The following HSPBAP1 variants were observed in gnomAD, a reference collection of about 807,000 sequenced individuals.
HSPBAP1 encodes the protein HSPB1-associated protein 1.
Under a neutral mutation model 45.2 loss-of-function variants are expected in HSPBAP1, and 27 were observed. That is an observed-to-expected ratio of 0.60 (90% CI 0.44 to 0.82). The LOEUF (loss-of-function observed/expected upper bound fraction) is 0.82, where lower values mean the gene tolerates loss of function less well. Ranked by LOEUF, HSPBAP1 falls within the 40% of genes least tolerant of loss-of-function variation. HSPBAP1 has a pLI of 0.00. For synonymous variants in HSPBAP1, 204 were observed against 202.7 expected, an observed-to-expected ratio of 1.01 and a Z score of -0.06; for missense variants, 510 against 590.9, an observed-to-expected ratio of 0.86 and a Z score of 1.42.
chr3:122,741,081 T>G lies in HSPBAP1; in HGVS notation c.858A>C (p.Ala286=), dbSNP rs1933652284. 1 of 1,614,166 alleles carries G rather than the reference T, an allele frequency of 6.2e-7. No individual in the cohort carries two copies. The highest frequency in any genetic ancestry group is 8.5e-7 in the Non-Finnish European group (1 of 1,179,984). Residue 286 remains alanine (A), a synonymous_variant, in exon 7 of 8, where the codon GCA becomes GCC. Coordinates refer to ENST00000306103, the MANE Select transcript of HSPBAP1 (RefSeq NM_024610.6). Reference sequence around the variant, plus strand: ...GGGCACACACAAGCATACGGGTGATTGCCTCTTCTACCCGGGCTAGGTGAT... The same window carrying G: ...GGGCACACACAAGCATACGGGTGATGGCCTCTTCTACCCGGGCTAGGTGAT... ...EEDHLARVEE[A]ITRMLVCALK... is the part of the protein sequence containing the mutation.
At chr3:122,763,944 C>A (rs993047408) in intron 3 of HSPBAP1, among the ~76,000 whole-genome samples, 19 of 152,362 alleles carry the variant, frequency 1.2e-4, no homozygotes, top group Non-Finnish European at 1.8e-4. Flanking sequence ...TCCCTCCTGG[C>A]CTCTGCTCAT....
intron 1 of HSPBAP1, among the ~76,000 whole-genome samples, chr3:122,793,395 C>A (rs764870270): frequency 2.0e-5 from 3 of 152,208 alleles, no homozygotes; most frequent in Non-Finnish European, 2.9e-5. Flanking sequence ...ACACCCCATG[C>A]GTGAAACAGC....
At position 122,780,288 on chromosome 3, in the gene HSPBAP1, C is replaced by T. The variant is rs1365362379; in HGVS notation, c.65-2382G>A. On this transcript the variant is annotated intron_variant, in intron 1 of 7. Transcript: ENST00000306103. ...GGCGGCTGGCCGGGCGGGGGGCTGA[C>T]CCCCCCACCTCCCTCCCGGACGGGG... Among the ~76,000 whole-genome samples the T allele has an allele frequency of 6.6e-3, 490 of 74,460 alleles. 46 individuals are homozygous for T. The highest frequency in any genetic ancestry group is 0.026 in the African/African-American group (435 of 16,466). The allele number at this position is 74,460 out of a possible 152,430, so 48.8% of individuals were successfully genotyped here. A position where few individuals can be genotyped will look rare whatever the true frequency, so the allele number is the denominator to read the frequency against.
At position 122,740,075 on chromosome 3, in the gene HSPBAP1, C is replaced by T; in HGVS notation, c.*270G>A. The T allele has an allele frequency of 4.6e-6, 1 of 215,444 alleles. No individual in the cohort carries two copies. The highest frequency in any genetic ancestry group is 1.4e-4 in the South Asian group (1 of 7,028). The allele number at this position is 215,444 out of a possible 1,614,324, so 13.3% of individuals were successfully genotyped here. A position where few individuals can be genotyped will look rare whatever the true frequency, so the allele number is the denominator to read the frequency against. ...GTTGAGGCTGAGGAAGACATTACTT[C>T]CTGCTGGAAATACTTGGGACTTACA... On this transcript the variant is annotated 3_prime_UTR_variant, in exon 8 of 8. Transcript: ENST00000306103.
chr3:122,747,749 G>C (rs1315471333), intron 6 of HSPBAP1, among the ~76,000 whole-genome samples: 1 of 150,030 alleles, frequency 6.7e-6, no homozygotes, highest in Non-Finnish European at 1.5e-5. Context: ...CCCCGTCCCG[G>C]AGGGAGGTGG....
chr3:122,792,228 G>A (rs1036842820), intron 1 of HSPBAP1, among the ~76,000 whole-genome samples: 2 of 152,158 alleles, frequency 1.3e-5, no homozygotes, highest in African/African-American at 2.4e-5. Flanking sequence ...ACTTTATACG[G>A]TCATCAGTTT....
Position 122,740,748 on chromosome 3 carries a change from T to G in HSPBAP1, c.1064A>C (p.Lys355Thr), listed in dbSNP as rs753444769. The G allele has an allele frequency of 8.9e-5, 144 of 1,614,040 alleles. No individual in the cohort carries two copies. Among genetic ancestry groups the G allele is most frequent in the Non-Finnish European group, 1.2e-4 (141 of 1,180,046 alleles). The change falls in exon 8 of 8, where the codon AAA becomes ACA. Residue 355 changes from lysine to threonine, a missense_variant. By Grantham distance (78) the Lys-to-Thr change is moderately conservative. Coordinates refer to ENST00000306103, the MANE Select transcript of HSPBAP1 (RefSeq NM_024610.6). Reference sequence around the variant, plus strand: ...GTTGCACACATTTAATTCTTCCTTTTTCATGTGCTCTCCATCTGTTCTCAG... The same window carrying G: ...GTTGCACACATTTAATTCTTCCTTTGTCATGTGCTCTCCATCTGTTCTCAG... The part of the protein sequence containing the change: ...QALRTDGEHM[K>T]KEELNVCNHM...
intron 2 of HSPBAP1, 77 bp downstream of exon 2, chr3:122,777,644 G>C: frequency 1.1e-6 from 1 of 934,132 alleles, no homozygotes; most frequent in Non-Finnish European, 1.6e-6. Flanking sequence ...GGATTCTCAA[G>C]AGATCAGGAG....
At chr3:122,790,956 A>T (rs1224431759) in intron 1 of HSPBAP1, among the ~76,000 whole-genome samples, 1 of 152,110 alleles carries the variant, frequency 6.6e-6, no homozygotes, top group Admixed American at 6.6e-5. Context: ...CTTACATAAC[A>T]TCTCTAATTT....
chr3:122,765,961 T>C (rs1280241893), intron 3 of HSPBAP1, among the ~76,000 whole-genome samples: 1 of 152,262 alleles, frequency 6.6e-6, no homozygotes, highest in Non-Finnish European at 1.5e-5. Context: ...AAAAGGCTGT[T>C]ATTAATAAAT....
intron 1 of HSPBAP1, chr3:122,786,488 C>A (rs889518179): frequency 1.3e-5 from 2 of 152,052 alleles, no homozygotes; most frequent in African/African-American, 2.4e-5. Flanking sequence ...ACTGGGTAGC[C>A]TTCTATAAAT....
rs1005708653 is a variant in HSPBAP1, at chr3:122,752,760, A to T, written c.742-86T>A. On this transcript the variant is annotated intron_variant, in intron 5 of 7. Transcript: ENST00000306103. ...TCAGACCCTAATTGAGGCTGCTAGG[A>T]AAAAAAGGAATACAAATGAATTCAC... The T allele has an allele frequency of 1.2e-4, 172 of 1,394,734 alleles. No homozygotes were observed. In the African/African-American group the frequency reaches 2.2e-3, roughly 18 times the overall value. 86.4% of individuals were successfully genotyped at this position (1,394,734 alleles called of 1,614,324 possible). A position where few individuals can be genotyped will look rare whatever the true frequency, so the allele number is the denominator to read the frequency against.
chr3:122,765,572 C>T (rs1016779372), intron 3 of HSPBAP1, among the ~76,000 whole-genome samples: 14 of 138,976 alleles, frequency 1.0e-4, no homozygotes, highest in Non-Finnish European at 1.7e-4. Flanking sequence ...CAGAGTCAGA[C>T]TCTGTCTCAA....
rs535000757 is a variant in HSPBAP1 at position 122,780,059 on chromosome 3, G to A, written c.65-2153C>T. On this transcript the variant is annotated intron_variant, in intron 1 of 7. Coordinates refer to ENST00000306103, the MANE Select transcript of HSPBAP1 (RefSeq NM_024610.6). ...GATGGGGTGGCAGCCGGGCAGAGGGGCTCCTCACTTCCCAGTAGGGGCGGC... is the reference window on the plus strand; with the variant it reads ...GATGGGGTGGCAGCCGGGCAGAGGGACTCCTCACTTCCCAGTAGGGGCGGC... Among the ~76,000 whole-genome samples the A allele has an allele frequency of 1.4e-3, 218 of 152,172 alleles. 3 individuals are homozygous for A. Among genetic ancestry groups the A allele is most frequent in the Admixed American group, 0.014 (216 of 15,292 alleles).
intron 5 of HSPBAP1, 78 bp from the exon 6 acceptor site, chr3:122,752,752 C>T: frequency 7.0e-7 from 1 of 1,424,002 alleles, no homozygotes; most frequent in Non-Finnish European, 9.4e-7. Context: ...CTAATTGAGG[C>T]TGCTAGGAAA....
rs746466636 is a variant in HSPBAP1 at position 122,755,402 on chromosome 3, T to C, written c.599A>G (p.Asp200Gly). Residue 200 changes from aspartate (D) to glycine (G), a missense_variant, in exon 5 of 8, where the codon GAT becomes GGT. Physicochemically the swap from Asp to Gly is moderately conservative, Grantham distance 94. Coordinates refer to ENST00000306103, the MANE Select transcript of HSPBAP1 (RefSeq NM_024610.6). Reference sequence around the variant, plus strand: ...TCTAGTTGGATAAAGGAAAGGAGTATCTTCAGGAGGAAAGAGATGCCATCG... The same window carrying C: ...TCTAGTTGGATAAAGGAAAGGAGTACCTTCAGGAGGAAAGAGATGCCATCG... ...RKRWHLFPPEDTPFLYPTRIP... is the reference protein window; with the variant it reads ...RKRWHLFPPEGTPFLYPTRIP... 29 of 1,534,234 alleles carry C rather than the reference T, an allele frequency of 1.9e-5. No homozygotes were observed. The highest frequency in any genetic ancestry group is 2.4e-5 in the Non-Finnish European group (28 of 1,144,698).
At chr3:122,792,893 G>C (rs1372091955) in intron 1 of HSPBAP1, among the ~76,000 whole-genome samples, 1 of 149,562 alleles carries the variant, frequency 6.7e-6, no homozygotes, top group African/African-American at 2.5e-5. Flanking sequence ...AAAAAAAAGA[G>C]AGAAAAGAAA....
chr3:122,780,085 C>T (rs1309397271), intron 1 of HSPBAP1, among the ~76,000 whole-genome samples: 24 of 150,454 alleles, frequency 1.6e-4, no homozygotes, highest in East Asian at 7.8e-4. Context: ...TAGGGGCGGC[C>T]GGGCAGAGGC....
intron 3 of HSPBAP1, among the ~76,000 whole-genome samples, chr3:122,766,302 G>C (rs1247754176): frequency 6.6e-6 from 1 of 152,118 alleles, no homozygotes; most frequent in Non-Finnish European, 1.5e-5. Context: ...AAGAAAGCTT[G>C]AAACAGCAAG....
Sources: allele counts gnomAD v4.1 joint callset (sites outside exome capture counted in the v4.1 genomes callset), GRCh38; gene constraint gnomAD v4.1.1; transcripts MANE v1.5; gene names NCBI Gene and HGNC (gene_info 2026-07-23, HGNC 2026-07-21).